IQCM: variants seen among roughly 807,000 people sequenced by gnomAD.
The protein encoded by IQCM is IQ domain-containing protein M.
Under a neutral mutation model 57.6 loss-of-function variants are expected in IQCM, and 45 were observed. That is an observed-to-expected ratio of 0.78 (90% CI 0.62 to 1.00). The LOEUF (loss-of-function observed/expected upper bound fraction) is 1.00. Among genes scored for constraint, IQCM ranks in the 50% least tolerant of loss-of-function variants. The probability of loss-of-function intolerance (pLI) is 0.00; values close to 1 mark genes in which losing one functional copy is unlikely to be tolerated. For missense variants in IQCM, 468 were observed against 511.6 expected, an observed-to-expected ratio of 0.91 and a Z score of 0.82; for synonymous variants, 148 against 158.9, an observed-to-expected ratio of 0.93 and a Z score of 0.51.
chr4:149,364,503 A>G (rs1729702940), intron 13 of IQCM, among the ~76,000 whole-genome samples: 1 of 152,140 alleles, frequency 6.6e-6, no homozygotes, highest in African/African-American at 2.4e-5. Flanking sequence ...GATATTAAGA[A>G]TGAATGACAA....
intron 13 of IQCM, among the ~76,000 whole-genome samples, chr4:149,429,445 C>A (rs1322365128): frequency 6.6e-6 from 1 of 151,794 alleles, no homozygotes; most frequent in African/African-American, 2.4e-5. Context: ...ATGCAGCATT[C>A]CAGTTACAAT....
chr4:149,357,888 G>T (rs1189196357), intron 13 of IQCM, among the ~76,000 whole-genome samples: 1 of 152,080 alleles, frequency 6.6e-6, no homozygotes, highest in Non-Finnish European at 1.5e-5. Flanking sequence ...AATTTTTTTG[G>T]TTGGTAAGCT....
At chr4:149,566,921 G>T (rs777795039) in intron 9 of IQCM, among the ~76,000 whole-genome samples, 8 of 152,150 alleles carry the variant, frequency 5.3e-5, no homozygotes, top group Admixed American at 2.6e-4. Context: ...AAATTTTGAT[G>T]AGCTTAATCA....
chr4:149,629,123 G>C (rs1757046471), intron 7 of IQCM, among the ~76,000 whole-genome samples: 1 of 152,162 alleles, frequency 6.6e-6, no homozygotes, highest in South Asian at 2.1e-4. Context: ...AGTTCTCATA[G>C]GATCAGGTGT....
intron 12 of IQCM, among the ~76,000 whole-genome samples, chr4:149,503,977 G>A (rs1043863579): frequency 6.6e-6 from 1 of 151,962 alleles, no homozygotes; most frequent in Non-Finnish European, 1.5e-5. Context: ...AAACAAATTA[G>A]CAAATCACCC....
At chr4:149,803,275 T>C (rs1343361749) in intron 2 of IQCM, among the ~76,000 whole-genome samples, 1 of 152,034 alleles carries the variant, frequency 6.6e-6, no homozygotes, top group Non-Finnish European at 1.5e-5. Flanking sequence ...ATAAGGACAA[T>C]TCCCATGTAA....
intron 2 of IQCM, among the ~76,000 whole-genome samples, chr4:149,801,002 CA>C (rs1024866897): frequency 7.2e-5 from 11 of 151,918 alleles, no homozygotes; most frequent in Admixed American, 7.2e-4. Flanking sequence ...TATGGAATCA[CA>C]AAAGACTCCG....
At chr4:149,421,096 T>C (rs1200055429) in intron 13 of IQCM, among the ~76,000 whole-genome samples, 1 of 152,102 alleles carries the variant, frequency 6.6e-6, no homozygotes, top group African/African-American at 2.4e-5. Flanking sequence ...ATTCAGGCAC[T>C]CTGGGAGGCC....
chr4:149,807,514 C>T (rs780452575), intron 2 of IQCM, among the ~76,000 whole-genome samples: 82 of 151,826 alleles, frequency 5.4e-4, no homozygotes, highest in Non-Finnish European at 8.8e-4. Context: ...GGACATCAGT[C>T]TGGGCAAAGT....
intron 13 of IQCM, among the ~76,000 whole-genome samples, chr4:149,353,821 T>C (rs1728735988): frequency 6.6e-6 from 1 of 152,088 alleles, no homozygotes; most frequent in African/African-American, 2.4e-5. Flanking sequence ...GATCACAAAG[T>C]AGCAGATGTT....
intron 13 of IQCM, among the ~76,000 whole-genome samples, chr4:149,361,439 C>T (rs1729478904): frequency 6.6e-6 from 1 of 152,126 alleles, no homozygotes; most frequent in Non-Finnish European, 1.5e-5. Flanking sequence ...CAGCCCCTCC[C>T]ATCACAGGCC....
chr4:149,707,272 T>C (rs1040299529), intron 5 of IQCM, among the ~76,000 whole-genome samples: 1 of 152,094 alleles, frequency 6.6e-6, no homozygotes, highest in Non-Finnish European at 1.5e-5. Context: ...CTTATTCAAA[T>C]ACACTGAGCC....
At chr4:149,793,164 T>C (rs1182214980) in intron 2 of IQCM, among the ~76,000 whole-genome samples, 2 of 152,164 alleles carry the variant, frequency 1.3e-5, no homozygotes, top group Admixed American at 6.5e-5. Context: ...AAAAAGTAGA[T>C]AGCTACCTTC....
At chr4:149,790,869 T>C (rs1456465329) in intron 2 of IQCM, among the ~76,000 whole-genome samples, 4 of 152,206 alleles carry the variant, frequency 2.6e-5, no homozygotes, top group South Asian at 2.1e-4. Context: ...ATCAGTCTTT[T>C]TAACAAATGT....
At chr4:149,592,372 G>T (rs564571565) in intron 8 of IQCM, among the ~76,000 whole-genome samples, 29 of 152,068 alleles carry the variant, frequency 1.9e-4, no homozygotes, top group South Asian at 1.2e-3. Flanking sequence ...TTGTCAGATG[G>T]GTAGATTGCA....
intron 12 of IQCM, among the ~76,000 whole-genome samples, chr4:149,438,582 G>T (rs1036027999): frequency 6.6e-6 from 1 of 151,886 alleles, no homozygotes; most frequent in South Asian, 2.1e-4. Flanking sequence ...ATACTTTTTT[G>T]TCATGCCATT....
chr4:149,489,294 T>G (rs948625379), intron 12 of IQCM, among the ~76,000 whole-genome samples: 2 of 152,072 alleles, frequency 1.3e-5, no homozygotes, highest in African/African-American at 4.8e-5. Context: ...AGCAAGTACA[T>G]TATTTGTTGG....
intron 7 of IQCM, among the ~76,000 whole-genome samples, chr4:149,636,091 A>G (rs1757693171): frequency 6.6e-6 from 1 of 152,180 alleles, no homozygotes; most frequent in African/African-American, 2.4e-5. Flanking sequence ...AACAATGAGA[A>G]CGAACCAGAC....
intron 12 of IQCM, among the ~76,000 whole-genome samples, chr4:149,518,781 GGAGA>G (rs948412753): frequency 6.6e-6 from 1 of 151,796 alleles, no homozygotes; most frequent in African/African-American, 2.4e-5. Flanking sequence ...GCCAGACCAG[GGAGA>G]GAGAGAGAGA....
Sources: allele counts gnomAD v4.1 joint callset (sites outside exome capture counted in the v4.1 genomes callset), GRCh38; gene constraint gnomAD v4.1.1; transcripts MANE v1.5; gene names NCBI Gene and HGNC (gene_info 2026-07-23, HGNC 2026-07-21).